Variants in PATJ observed in about 807,000 individuals in gnomAD.
PATJ encodes inaD-like protein.
PATJ carries 190 observed loss-of-function variants against 224.9 expected under a neutral mutation model. The ratio of observed to expected loss-of-function variants is 0.84; its 90% CI spans 0.75 to 0.95. The LOEUF is 0.95. PATJ is among the 40% of genes least tolerant of loss of function. The probability of loss-of-function intolerance (pLI) is 0.00; values close to 1 mark genes in which losing one functional copy is unlikely to be tolerated. For missense variants in PATJ, 2,121 were observed against 2,270.3 expected (o/e 0.93, Z 1.34); for synonymous variants, 769 against 820.3 (o/e 0.94, Z 1.07).
chr1:61,814,196 T>C (rs1034108387), intron 14 of PATJ, among the ~76,000 whole-genome samples: 2 of 138,202 alleles, frequency 1.4e-5, no homozygotes, highest in East Asian at 2.2e-4. Flanking sequence ...TAGGTTGGAG[T>C]GCAATGGCAC....
intron 7 of PATJ, among the ~76,000 whole-genome samples, chr1:61,787,073 A>G (rs1287611928): frequency 6.6e-6 from 1 of 152,134 alleles, no homozygotes; most frequent in Non-Finnish European, 1.5e-5. Flanking sequence ...AAACACACCC[A>G]AGCTATTGTG....
chr1:62,154,293 G>GT (rs893320578), intron 43 of PATJ, among the ~76,000 whole-genome samples: 12 of 151,538 alleles, frequency 7.9e-5, no homozygotes, highest in South Asian at 4.2e-4. Context: ...TGATACTACA[G>GT]TTTTTTTTTC....
rs71050167 is a variant in PATJ, at chr1:61,812,433, AGTGTGTGTGTGTGTGTGT to A, written c.1683+3921_1683+3938del. Among the ~76,000 whole-genome samples the A allele has an allele frequency of 1.1e-4, 9 of 85,206 alleles. No homozygotes were observed. In the East Asian group the frequency reaches 5.7e-3, roughly 54 times the overall value. 55.9% of individuals were successfully genotyped at this position (85,206 alleles called of 152,430 possible). A position where few individuals can be genotyped will look rare whatever the true frequency, so the allele number is the denominator to read the frequency against. ...GAGAGAGAGAGAGAGAGAGAGAGAG[AGTGTGTGTGTGTGTGTGT>A]GTGTGTGTGTGTGTGTGGTGGTATT... On this transcript the variant is annotated intron_variant, in intron 14 of 43. Transcript: ENST00000642238.
At chr1:61,799,276 T>C (rs1651979048) in intron 11 of PATJ, among the ~76,000 whole-genome samples, 3 of 152,182 alleles carry the variant, frequency 2.0e-5, no homozygotes, top group Admixed American at 2.0e-4. Context: ...CACTGCAACT[T>C]CCACCTCCTG....
intron 30 of PATJ, 100 bp downstream of exon 30, chr1:62,038,149 A>G (rs1650794087): frequency 1.4e-6 from 1 of 712,648 alleles, no homozygotes; most frequent in South Asian, 2.8e-5. Flanking sequence ...TGGTATTCCA[A>G]ACTCGTGGAA....
chr1:62,147,419 G>C (rs1218079219), intron 41 of PATJ, among the ~76,000 whole-genome samples: 1 of 152,154 alleles, frequency 6.6e-6, no homozygotes, highest in Non-Finnish European at 1.5e-5. Context: ...CAACACTTTG[G>C]GATATCGAGA....
At chr1:62,038,849 C>T (rs1650938863) in intron 30 of PATJ, 8 of 724,596 alleles carry the variant, frequency 1.1e-5, no homozygotes, top group Non-Finnish European at 1.5e-5. Flanking sequence ...GGGATGGAGG[C>T]GACCTTGGAG....
At position 62,161,173 on chromosome 1, in the gene PATJ, C is replaced by G; in HGVS notation, c.*119C>G. ...ATGCACCTTCATTCTTATTTCTTGC[C>G]CTCTCTGCTCAGGAGAAATGGCTGA... On this transcript the variant is annotated 3_prime_UTR_variant, in exon 44 of 44. Coordinates refer to ENST00000642238, the MANE Select transcript of PATJ (RefSeq NM_001350145.3). 1 of 744,388 alleles carries G rather than the reference C, an allele frequency of 1.3e-6. No individual in the cohort carries two copies. The highest frequency in any genetic ancestry group is 4.3e-5 in the South Asian group (1 of 23,426). The allele number at this position is 744,388 out of a possible 1,614,324, so 46.1% of individuals were successfully genotyped here.
At chr1:62,145,446 G>C (rs886614105) in intron 41 of PATJ, among the ~76,000 whole-genome samples, 2 of 152,144 alleles carry the variant, frequency 1.3e-5, no homozygotes. Flanking sequence ...AGGATTACTT[G>C]AGCCCAGGAG....
chr1:61,840,331 A>G (rs1042456130), intron 17 of PATJ, among the ~76,000 whole-genome samples: 2 of 152,090 alleles, frequency 1.3e-5, no homozygotes, highest in East Asian at 1.9e-4. Flanking sequence ...TAATACATAC[A>G]TATGGCAGAA....
At chr1:61,845,393 GTGATAGAAAT>G (rs1661767913) in intron 17 of PATJ, among the ~76,000 whole-genome samples, 1 of 152,106 alleles carries the variant, frequency 6.6e-6, no homozygotes, top group Non-Finnish European at 1.5e-5. Flanking sequence ...CAACTGAAAG[GTGATAGAAAT>G]TTCTAGTTAT....
intron 16 of PATJ, among the ~76,000 whole-genome samples, chr1:61,829,332 G>A (rs1658900222): frequency 6.6e-6 from 1 of 152,148 alleles, no homozygotes; most frequent in South Asian, 2.1e-4. Context: ...ATTTCAAGGA[G>A]GGTACTCAAA....
At chr1:61,991,740 CATAA>C in intron 28 of PATJ, 1 of 983,922 alleles carries the variant, frequency 1.0e-6, no homozygotes, top group Non-Finnish European at 1.2e-6. Flanking sequence ...ATAATCATTA[CATAA>C]ATAAAGTCAA....
At chr1:61,832,638 C>T (rs2148789385) in intron 16 of PATJ, among the ~76,000 whole-genome samples, 1 of 152,204 alleles carries the variant, frequency 6.6e-6, no homozygotes, top group South Asian at 2.1e-4. Context: ...CTACTATGAG[C>T]CAGGCATTAT....
chr1:61,935,199 A>G (rs920669382), intron 27 of PATJ, among the ~76,000 whole-genome samples: 1 of 152,194 alleles, frequency 6.6e-6, no homozygotes, highest in Non-Finnish European at 1.5e-5. Context: ...CACATTATAG[A>G]CATGTCTCTG....
chr1:61,906,069 G>T (rs1291972481), intron 24 of PATJ, among the ~76,000 whole-genome samples: 3 of 152,246 alleles, frequency 2.0e-5, no homozygotes, highest in East Asian at 1.9e-4. Context: ...ACAAACCAGG[G>T]TTCCCACATC....
chr1:62,155,919 A>G (rs1377322555), intron 43 of PATJ, among the ~76,000 whole-genome samples: 20 of 151,562 alleles, frequency 1.3e-4, no homozygotes, highest in Non-Finnish European at 2.4e-4. Context: ...TTAGCCGGGC[A>G]TGGTGGTAGG....
intron 28 of PATJ, chr1:61,991,703 C>G: frequency 1.0e-6 from 1 of 984,058 alleles, no homozygotes; most frequent in Non-Finnish European, 1.2e-6. Context: ...CGAATGGGAC[C>G]CACATTGGGT....
intron 16 of PATJ, 126 bp downstream of exon 16, chr1:61,827,709 C>A: frequency 2.6e-6 from 2 of 760,672 alleles, no homozygotes; most frequent in Non-Finnish European, 4.0e-6. Context: ...TTGACTAAGG[C>A]AACAATGCAT....
Sources: allele counts gnomAD v4.1 joint callset (sites outside exome capture counted in the v4.1 genomes callset), GRCh38; gene constraint gnomAD v4.1.1; transcripts MANE v1.5; gene names NCBI Gene and HGNC (gene_info 2026-07-23, HGNC 2026-07-21).